NLGN1: variants seen among roughly 807,000 people sequenced by gnomAD.
The protein encoded by NLGN1 is neuroligin-1.
In NLGN1, 12 loss-of-function variants were observed where a neutral mutation model predicts 65.5. The ratio of observed to expected loss-of-function variants is 0.18; its 90% CI spans 0.12 to 0.30. The LOEUF (loss-of-function observed/expected upper bound fraction) is 0.30, where lower values mean the gene tolerates loss of function less well. NLGN1 is among the 10% of genes least tolerant of loss of function. The pLI is 1.00. For missense variants in NLGN1, 750 were observed against 1,007.1 expected, an observed-to-expected ratio of 0.74 and a Z score of 3.46; for synonymous variants, 350 against 359.5, an observed-to-expected ratio of 0.97 and a Z score of 0.30.
intron 2 of NLGN1, among the ~76,000 whole-genome samples, chr3:173,550,515 C>T (rs1250241995): frequency 6.6e-6 from 1 of 152,068 alleles, no homozygotes; most frequent in African/African-American, 2.4e-5. Context: ...TTCCCTTTAA[C>T]ACATAGGAGC....
At chr3:173,908,235 G>C (rs1738860311) in intron 4 of NLGN1, among the ~76,000 whole-genome samples, 1 of 152,148 alleles carries the variant, frequency 6.6e-6, no homozygotes, top group Non-Finnish European at 1.5e-5. Context: ...CACGTATCTA[G>C]TGGTTCTTAG....
intron 3 of NLGN1, among the ~76,000 whole-genome samples, chr3:173,751,323 A>G (rs924989412): frequency 2.0e-5 from 3 of 152,120 alleles, no homozygotes; most frequent in African/African-American, 7.2e-5. Context: ...ATAGAAACAT[A>G]TAGTATGTTT....
At chr3:173,885,312 TATG>T (rs1322974870) in intron 4 of NLGN1, among the ~76,000 whole-genome samples, 1 of 152,154 alleles carries the variant, frequency 6.6e-6, no homozygotes, top group Non-Finnish European at 1.5e-5. Context: ...TTTTCAAACA[TATG>T]ATATCTGCCT....
intron 3 of NLGN1, among the ~76,000 whole-genome samples, chr3:173,710,611 G>A (rs3861379): frequency 0.52 from 79,486 of 151,988 alleles, 21,491 homozygotes; most frequent in East Asian, 0.74. Context: ...GCACACGAGT[G>A]CAATGTCTTT....
rs145998401 is a variant in NLGN1, at chr3:173,493,990, A to G, written c.-321+58912A>G. Among the ~76,000 whole-genome samples the G allele has an allele frequency of 1.3e-4, 19 of 151,938 alleles. No individual in the cohort carries two copies. In the East Asian group the frequency reaches 3.7e-3, roughly 29 times the overall value. ...ATTACTGCATTTTGCCTTACCAAAA[A>G]TGGTTGATAGTTCTCTAAAGTGTTG... is the stretch of plus-strand genomic sequence containing the variant. On this transcript the variant is annotated intron_variant, in intron 2 of 6. Transcript: ENST00000457714.
exon 7 of NLGN1, chr3:174,282,042 T>G (rs1751599284): frequency 6.6e-6 from 1 of 152,274 alleles, no homozygotes; most frequent in African/African-American, 2.4e-5. Flanking sequence ...AAAGAAGATT[T>G]TAAGGGGCAA....
intron 2 of NLGN1, among the ~76,000 whole-genome samples, chr3:173,524,855 A>T (rs1735362589): frequency 6.6e-6 from 1 of 152,090 alleles, no homozygotes; most frequent in Non-Finnish European, 1.5e-5. Flanking sequence ...TGTTTATGTG[A>T]TGGATCACAT....
intron 4 of NLGN1, among the ~76,000 whole-genome samples, chr3:174,199,674 GA>G (rs1734088768): frequency 6.6e-6 from 1 of 152,100 alleles, no homozygotes; most frequent in African/African-American, 2.4e-5. Context: ...AAGGCTCAGG[GA>G]AAGAAACTTT....
chr3:173,483,301 T>A (rs78616139), intron 2 of NLGN1, among the ~76,000 whole-genome samples: 11,293 of 152,118 alleles, frequency 0.074, 481 homozygotes, highest in Middle Eastern at 0.2. Flanking sequence ...TGTGACAGTC[T>A]TTTTCATTAA....
At chr3:173,488,538 G>A (rs1242913213) in intron 2 of NLGN1, among the ~76,000 whole-genome samples, 1 of 151,970 alleles carries the variant, frequency 6.6e-6, no homozygotes, top group African/African-American at 2.4e-5. Flanking sequence ...TTAAATTATG[G>A]TTTAGTTGAG....
chr3:174,037,878 GA>G (rs1285184682), intron 4 of NLGN1, among the ~76,000 whole-genome samples: 1 of 149,568 alleles, frequency 6.7e-6, no homozygotes, highest in Non-Finnish European at 1.5e-5. Flanking sequence ...ACGGTGTGGT[GA>G]AACATTATTG....
chr3:173,508,201 G>A (rs189944075), intron 2 of NLGN1, among the ~76,000 whole-genome samples: 19 of 152,032 alleles, frequency 1.2e-4, no homozygotes, highest in African/African-American at 4.6e-4. Flanking sequence ...TCTTCTCTTT[G>A]TAATTTTGGT....
At chr3:173,679,385 G>T (rs1372382922) in intron 3 of NLGN1, among the ~76,000 whole-genome samples, 1 of 152,056 alleles carries the variant, frequency 6.6e-6, no homozygotes, top group African/African-American at 2.4e-5. Flanking sequence ...TTTACAGGCA[G>T]CACTAATTCT....
At chr3:174,041,716 G>T (rs901315843) in intron 4 of NLGN1, among the ~76,000 whole-genome samples, 2 of 151,868 alleles carry the variant, frequency 1.3e-5, no homozygotes, top group Admixed American at 6.6e-5. Context: ...GCACTTTTTC[G>T]TGTGTTTATT....
chr3:173,603,147 C>T (rs16828227), intron 2 of NLGN1, among the ~76,000 whole-genome samples: 24 of 152,058 alleles, frequency 1.6e-4, no homozygotes, highest in African/African-American at 5.8e-4. Flanking sequence ...GCAATCTTCC[C>T]ATAATATACA....
intron 4 of NLGN1, among the ~76,000 whole-genome samples, chr3:174,188,237 C>T (rs1373692142): frequency 6.6e-6 from 1 of 151,876 alleles, no homozygotes; most frequent in African/African-American, 2.4e-5. Context: ...GATAATTTTC[C>T]TGGCTTTTGG....
In NLGN1 at chr3:173,724,884, G is replaced by A. The variant is rs377533519; in HGVS notation, c.494-82796G>A. ...ATGCATGAGTTCATGTCCTTTGTAG[G>A]GACATGGACGAAGCTGAAACCATCA... is the stretch of plus-strand genomic sequence containing the variant. On this transcript the variant is annotated intron_variant, in intron 3 of 6. Coordinates refer to ENST00000457714, the Ensembl canonical transcript of NLGN1. 1.9e-4 allele frequency among the ~76,000 whole-genome samples: 29 copies of A among 152,224 alleles called. No individual in the cohort carries two copies. In the East Asian group the frequency reaches 4.1e-3, roughly 21 times the overall value.
intron 3 of NLGN1, among the ~76,000 whole-genome samples, chr3:173,734,962 C>T (rs1773508847): frequency 6.6e-6 from 1 of 152,038 alleles, no homozygotes; most frequent in African/African-American, 2.4e-5. Context: ...ACTAATGTGG[C>T]ACAACATTCT....
chr3:173,895,523 C>T (rs1736190468), intron 4 of NLGN1, among the ~76,000 whole-genome samples: 1 of 152,114 alleles, frequency 6.6e-6, no homozygotes, highest in Non-Finnish European at 1.5e-5. Context: ...TGAATGGAGA[C>T]ACTCGACTTC....
Sources: gnomAD v4.1 joint callset for allele counts (sites outside exome capture counted in the v4.1 genomes callset) on GRCh38, gnomAD v4.1.1 for gene constraint, MANE v1.5 for transcripts, NCBI Gene and HGNC (gene_info 2026-07-23, HGNC 2026-07-21) for gene names.